Variants in PDGFRA observed in about 807,000 individuals in gnomAD.
PDGFRA encodes the protein platelet derived growth factor receptor alpha, also known as platelet-derived growth factor receptor alpha.
PDGFRA carries 25 observed loss-of-function variants against 121.5 expected under a neutral mutation model. That is an observed-to-expected ratio of 0.21 (90% CI 0.15 to 0.29). The LOEUF (loss-of-function observed/expected upper bound fraction) is 0.29, where lower values mean the gene tolerates loss of function less well. Ranked by LOEUF, PDGFRA falls within the 10% of genes least tolerant of loss-of-function variation. The pLI is 1.00. For missense variants in PDGFRA, 1,008 were observed against 1,345.1 expected (o/e 0.75, Z 3.92); for synonymous variants, 463 against 494.8 (o/e 0.94, Z 0.85).
intron 5 of PDGFRA, among the ~76,000 whole-genome samples, chr4:54,265,519 C>T (rs147684099): frequency 6.6e-6 from 1 of 152,268 alleles, no homozygotes; most frequent in Non-Finnish European, 1.5e-5. Flanking sequence ...TCTTCCTGTT[C>T]CACCTCCTAT....
intron 4 of PDGFRA, 65 bp from the exon 5 acceptor site, chr4:54,264,851 ACCC>A: frequency 7.2e-7 from 1 of 1,387,680 alleles, no homozygotes; most frequent in Non-Finnish European, 9.9e-7. Context: ...AAAAAAAAAA[ACCC>A]AAACTTTATA....
intron 1 of PDGFRA, among the ~76,000 whole-genome samples, chr4:54,245,481 A>G (rs1459211590): frequency 6.6e-6 from 1 of 152,086 alleles, no homozygotes; most frequent in East Asian, 1.9e-4. Context: ...TAAGTGAAGG[A>G]GAAATAAAAT....
At chr4:54,267,974 G>A (rs538742178) in intron 7 of PDGFRA, among the ~76,000 whole-genome samples, 4 of 152,192 alleles carry the variant, frequency 2.6e-5, no homozygotes, top group Non-Finnish European at 5.9e-5. Flanking sequence ...TCTGGCCCCT[G>A]GGGAAAGACA....
intron 1 of PDGFRA, among the ~76,000 whole-genome samples, chr4:54,241,169 A>C (rs1009007960): frequency 6.6e-6 from 1 of 152,222 alleles, no homozygotes; most frequent in African/African-American, 2.4e-5. Context: ...CTTTTTGGCC[A>C]ATTCAGATGT....
intron 1 of PDGFRA, among the ~76,000 whole-genome samples, chr4:54,249,541 A>T (rs1390018117): frequency 6.6e-6 from 1 of 152,058 alleles, no homozygotes; most frequent in Non-Finnish European, 1.5e-5. Flanking sequence ...AGAAGAAAAA[A>T]CCAAATGCCG....
In PDGFRA at chr4:54,296,496, C is replaced by T; in HGVS notation, c.*1224C>T. 1 of 231,060 alleles carries T rather than the reference C, an allele frequency of 4.3e-6. No homozygotes were observed. Among genetic ancestry groups the T allele is most frequent in the Non-Finnish European group, 8.6e-6 (1 of 116,758 alleles). The allele number at this position is 231,060 out of a possible 1,614,324, so 14.3% of individuals were successfully genotyped here. On this transcript the variant is annotated 3_prime_UTR_variant, in exon 23 of 23. Transcript: ENST00000257290. ...ATCAGCCTCCTTCTTTCACCCCTTA[C>T]CCCAAAGAGAAAGAGTTTGAAACTC...
At position 54,277,569 on chromosome 4, in the gene PDGFRA, T is replaced by C. The variant is rs928209069; in HGVS notation, c.1891+77T>C. 9 of 946,620 alleles carry C rather than the reference T, an allele frequency of 9.5e-6. No homozygotes were observed. The African/African-American group carries it at 1.3e-4, about 14-fold the overall frequency. The allele number at this position is 946,620 out of a possible 1,614,324, so 58.6% of individuals were successfully genotyped here. A position where few individuals can be genotyped will look rare whatever the true frequency, so the allele number is the denominator to read the frequency against. ...GGGATATTAAGGGAATTTCTCAAAA[T>C]CATGCAGCTAGTAAATAAGACATTT... On this transcript the variant is annotated intron_variant, in intron 13 of 22. Transcript: ENST00000257290.
chr4:54,275,397 A>G (rs1340513786), intron 12 of PDGFRA, among the ~76,000 whole-genome samples: 1 of 152,258 alleles, frequency 6.6e-6, no homozygotes, highest in East Asian at 1.9e-4. Context: ...CATATTTGGA[A>G]TATGGAATAT....
chr4:54,293,429 CTT>C (rs35064429), intron 22 of PDGFRA, among the ~76,000 whole-genome samples: 2 of 116,120 alleles, frequency 1.7e-5, no homozygotes, highest in African/African-American at 3.3e-5. Flanking sequence ...CCTAGAATTT[CTT>C]TTTTTTTTTT....
At chr4:54,278,264 A>G in intron 14 of PDGFRA, 98 bp from the exon 15 acceptor site, 5 of 727,318 alleles carry the variant, frequency 6.9e-6, no homozygotes, top group Non-Finnish European at 6.7e-6. Context: ...CTTTTTTGGT[A>G]TCTTATTTTT....
chr4:54,234,874 T>C (rs931735804), intron 1 of PDGFRA, among the ~76,000 whole-genome samples: 5 of 152,148 alleles, frequency 3.3e-5, no homozygotes, highest in African/African-American at 1.2e-4. Context: ...CTCCCGTGGT[T>C]AAATATATGG....
chr4:54,245,845 C>G (rs1721622446), intron 1 of PDGFRA, among the ~76,000 whole-genome samples: 1 of 151,198 alleles, frequency 6.6e-6, no homozygotes, highest in Non-Finnish European at 1.5e-5. Flanking sequence ...CACACATAGG[C>G]TCAAAATAAA....
At chr4:54,237,948 C>G (rs1454943144) in intron 1 of PDGFRA, among the ~76,000 whole-genome samples, 1 of 152,242 alleles carries the variant, frequency 6.6e-6, no homozygotes, top group Non-Finnish European at 1.5e-5. Flanking sequence ...TGTTCAAATC[C>G]TGGCTCTGTC....
chr4:54,281,824 G>A (rs924472663), intron 16 of PDGFRA: 5 of 1,243,332 alleles, frequency 4.0e-6, no homozygotes, highest in Non-Finnish European at 4.1e-6. Context: ...GGGGAAAGTG[G>A]ACAAGTTACA....
In PDGFRA at chr4:54,264,901, A is replaced by T. The variant is rs762836700; in HGVS notation, c.629-18A>T. On this transcript the variant is annotated intron_variant, in intron 4 of 22. Coordinates refer to ENST00000257290, the MANE Select transcript of PDGFRA (RefSeq NM_006206.6). The stretch of plus-strand genomic sequence containing the variant: ...ATCCTGTGGATTTTTAGGCCCTTGT[A>T]TTTGTTCTTTTTTATAGCAACATCA... 1.9e-6 allele frequency: 3 copies of T among 1,597,200 alleles called. No individual in the cohort carries two copies. The highest frequency in any genetic ancestry group is 2.6e-6 in the Non-Finnish European group (3 of 1,167,220).
In PDGFRA at chr4:54,289,113, A is replaced by G; in HGVS notation, c.2879A>G (p.Lys960Arg). ...AATCTGCTGCCTGGACAATATAAAA[A>G]GGTGTGTTTGGATCTGTGGGTGGAA... ...VENLLPGQYKKSYEKIHLDFL... is the reference protein window; with the variant it reads ...VENLLPGQYKRSYEKIHLDFL... Residue 960 changes from lysine (K) to arginine (R), a missense_variant and splice_region_variant, in exon 21 of 23, where the codon AAG (lysine) becomes AGG (arginine). Lys to Arg is a conservative substitution (Grantham distance 26). Transcript: ENST00000257290. 6.4e-7 allele frequency: 1 copy of G among 1,553,418 alleles called. No individual in the cohort carries two copies.
intron 1 of PDGFRA, among the ~76,000 whole-genome samples, chr4:54,246,649 TAAAAG>T (rs1721684810): frequency 6.6e-6 from 1 of 151,618 alleles, no homozygotes; most frequent in Non-Finnish European, 1.5e-5. Context: ...ACATCACAAT[TAAAAG>T]AACTAGAAAA....
At chr4:54,242,719 C>A (rs1721376377) in intron 1 of PDGFRA, among the ~76,000 whole-genome samples, 1 of 151,892 alleles carries the variant, frequency 6.6e-6, no homozygotes, top group Non-Finnish European at 1.5e-5. Context: ...TCTTTTTACC[C>A]CCTTTAATGA....
intron 17 of PDGFRA, 117 bp from the exon 18 acceptor site, chr4:54,285,724 C>T: frequency 8.9e-7 from 1 of 1,126,714 alleles, no homozygotes. Flanking sequence ...GAAGGCCAGC[C>T]CTTTATATCC....
Sources: gnomAD v4.1 joint callset for allele counts (sites outside exome capture counted in the v4.1 genomes callset) on GRCh38, gnomAD v4.1.1 for gene constraint, MANE v1.5 for transcripts, NCBI Gene and HGNC (gene_info 2026-07-23, HGNC 2026-07-21) for gene names.